Variants in KCNQ3 observed in about 807,000 individuals in gnomAD.
KCNQ3 encodes the protein potassium voltage-gated channel subfamily Q member 3, also known as potassium voltage-gated channel subfamily KQT member 3.
Under a neutral mutation model 92.5 loss-of-function variants are expected in KCNQ3, and 30 were observed. The observed-to-expected ratio is 0.32, with a 90% CI of 0.24 to 0.44. KCNQ3 has a LOEUF of 0.44. Among genes scored for constraint, KCNQ3 ranks in the 20% least tolerant of loss-of-function variants. KCNQ3 has a pLI of 1.00. For synonymous variants in KCNQ3, 450 were observed against 468.8 expected, an observed-to-expected ratio of 0.96 and a Z score of 0.52; for missense variants, 913 against 1,140.3, an observed-to-expected ratio of 0.80 and a Z score of 2.87.
rs190304994 is a variant in KCNQ3 at position 132,276,680 on chromosome 8, T to C, written c.387-90499A>G. Among the ~76,000 whole-genome samples the C allele has an allele frequency of 2.8e-3, 431 of 152,310 alleles. 2 individuals are homozygous for C. The highest frequency in any genetic ancestry group is 1.0e-2 in the African/African-American group (415 of 41,560). On this transcript the variant is annotated intron_variant, in intron 1 of 14. Coordinates refer to ENST00000388996, the MANE Select transcript of KCNQ3 (RefSeq NM_004519.4). ...GCACCTGCATTGTTTTGAAATATCA[T>C]AACAATCCTCCATGGTCAGCACCAT...
intron 1 of KCNQ3, among the ~76,000 whole-genome samples, chr8:132,256,953 T>C (rs186904503): frequency 2.6e-4 from 40 of 152,274 alleles, no homozygotes; most frequent in Non-Finnish European, 8.8e-5. Context: ...GGTAACTACA[T>C]AGTTTACATA....
intron 1 of KCNQ3, among the ~76,000 whole-genome samples, chr8:132,322,462 T>C (rs909072675): frequency 2.0e-5 from 3 of 152,108 alleles, no homozygotes; most frequent in African/African-American, 7.2e-5. Context: ...CCATCTCCTC[T>C]CCACCCCACA....
intron 1 of KCNQ3, among the ~76,000 whole-genome samples, chr8:132,395,727 T>G: frequency 6.6e-6 from 1 of 152,246 alleles, no homozygotes; most frequent in East Asian, 1.9e-4. Flanking sequence ...TTTCCCTTAT[T>G]TATTCCTTTT....
chr8:132,357,995 A>G (rs759282892), intron 1 of KCNQ3, among the ~76,000 whole-genome samples: 21 of 152,218 alleles, frequency 1.4e-4, no homozygotes, highest in Admixed American at 9.8e-4. Context: ...CCCAGCTGAA[A>G]CATTTCTTCC....
intron 1 of KCNQ3, among the ~76,000 whole-genome samples, chr8:132,343,859 A>G (rs753138433): frequency 6.6e-6 from 1 of 152,172 alleles, no homozygotes; most frequent in Non-Finnish European, 1.5e-5. Flanking sequence ...TGAAGGGCGT[A>G]TCTGTGCCAA....
intron 1 of KCNQ3, among the ~76,000 whole-genome samples, chr8:132,430,054 G>C (rs1321511106): frequency 2.6e-5 from 4 of 152,112 alleles, no homozygotes; most frequent in African/African-American, 9.7e-5. Flanking sequence ...TGGGCAGAGA[G>C]GCCTAGGGGT....
intron 1 of KCNQ3, among the ~76,000 whole-genome samples, chr8:132,466,528 T>C (rs921592106): frequency 2.0e-5 from 3 of 152,204 alleles, no homozygotes; most frequent in African/African-American, 7.2e-5. Flanking sequence ...CTGGCTGTTC[T>C]AGATGGCATT....
In KCNQ3 at chr8:132,137,929, G is replaced by A. The variant is rs199722269; in HGVS notation, c.1656C>T (p.Ala552=). ...TCCTGGAAAGCATGTCGAGATGCCC[G>A]GCAGAATACTGCTCAATCACATCCT... ...DVKDVIEQYS[A]GHLDMLSRIK... Residue 552 remains alanine (A), a synonymous_variant, in exon 12 of 15, where the codon GCC becomes GCT. Transcript: ENST00000388996. 56 of 1,613,952 alleles carry A rather than the reference G, an allele frequency of 3.5e-5. No homozygotes were observed. In the Middle Eastern group the frequency reaches 5.0e-4, roughly 14 times the overall value.
intron 1 of KCNQ3, among the ~76,000 whole-genome samples, chr8:132,353,032 C>T (rs888781848): frequency 7.2e-5 from 11 of 152,148 alleles, no homozygotes; most frequent in African/African-American, 2.7e-4. Context: ...TGAGACCAGC[C>T]TGCCCAACAT....
intron 1 of KCNQ3, among the ~76,000 whole-genome samples, chr8:132,418,623 TA>T (rs1192584862): frequency 6.6e-6 from 1 of 152,044 alleles, no homozygotes; most frequent in Non-Finnish European, 1.5e-5. Flanking sequence ...TCGTCTCTAC[TA>T]AAAATATAAA....
intron 1 of KCNQ3, among the ~76,000 whole-genome samples, chr8:132,232,072 G>T (rs746817200): frequency 6.6e-6 from 1 of 152,166 alleles, no homozygotes; most frequent in Non-Finnish European, 1.5e-5. Context: ...CCAAGGAAAT[G>T]GAGACACCTG....
intron 1 of KCNQ3, among the ~76,000 whole-genome samples, chr8:132,195,116 A>G (rs1476168933): frequency 6.6e-6 from 1 of 151,686 alleles, no homozygotes; most frequent in Middle Eastern, 3.2e-3. Flanking sequence ...TTCTCTTTTG[A>G]GAGTTGACCA....
chr8:132,448,502 G>GAAAAAAAAAAAAAAAAA, intron 1 of KCNQ3, among the ~76,000 whole-genome samples: 133 of 93,826 alleles, frequency 1.4e-3, no homozygotes, highest in African/African-American at 4.8e-3. Flanking sequence ...GGAGAAATAT[G>GAAAAAAAAAAAAAAAAA]AAAAAAAAAA....
At chr8:132,437,311 A>T (rs895103976) in intron 1 of KCNQ3, among the ~76,000 whole-genome samples, 26 of 149,980 alleles carry the variant, frequency 1.7e-4, no homozygotes, top group Admixed American at 3.3e-4. Context: ...TAAAAAAAAT[A>T]AAAAAAAAGA....
At chr8:132,223,364 C>T (rs1814300556) in intron 1 of KCNQ3, among the ~76,000 whole-genome samples, 1 of 152,170 alleles carries the variant, frequency 6.6e-6, no homozygotes, top group Non-Finnish European at 1.5e-5. Context: ...TCACTGTAAT[C>T]CCACGTGAGA....
At chr8:132,261,047 A>G (rs1184241916) in intron 1 of KCNQ3, among the ~76,000 whole-genome samples, 3 of 152,206 alleles carry the variant, frequency 2.0e-5, no homozygotes, top group Non-Finnish European at 4.4e-5. Context: ...TCATCACTCC[A>G]GAAAGAAACC....
At chr8:132,153,813 T>C (rs1022854160) in intron 9 of KCNQ3, among the ~76,000 whole-genome samples, 5 of 151,838 alleles carry the variant, frequency 3.3e-5, no homozygotes, top group African/African-American at 1.2e-4. Flanking sequence ...GACTCAGAGA[T>C]AGAAGGAGGA....
intron 1 of KCNQ3, among the ~76,000 whole-genome samples, chr8:132,325,781 C>T (rs1258408462): frequency 1.3e-5 from 2 of 152,192 alleles, no homozygotes; most frequent in Non-Finnish European, 2.9e-5. Context: ...TGAACTAATG[C>T]AGCTGGATGC....
At chr8:132,333,017 T>TTGGATGGATGGATGGATGGA (rs3049635) in intron 1 of KCNQ3, among the ~76,000 whole-genome samples, 1 of 149,826 alleles carries the variant, frequency 6.7e-6, no homozygotes. Context: ...GATGAATGGA[T>TTGGATGGATGGATGGATGGA]TGGATGGATG....
Sources: allele counts gnomAD v4.1 joint callset (sites outside exome capture counted in the v4.1 genomes callset), GRCh38; gene constraint gnomAD v4.1.1; transcripts MANE v1.5; gene names NCBI Gene and HGNC (gene_info 2026-07-23, HGNC 2026-07-21).